RIMS2: variants seen among roughly 807,000 people sequenced by gnomAD.
The protein encoded by RIMS2 is regulating synaptic membrane exocytosis protein 2.
A neutral mutation model predicts 174.4 loss-of-function variants in RIMS2; 59 were observed. The ratio of observed to expected loss-of-function variants is 0.34; its 90% CI spans 0.27 to 0.42. The LOEUF is 0.42. Among genes scored for constraint, RIMS2 ranks in the 10% least tolerant of loss-of-function variants. The pLI is 1.00. For synonymous variants in RIMS2, 606 were observed against 572.5 expected (o/e 1.06, Z -0.84); for missense variants, 1,620 against 1,666.3 (o/e 0.97, Z 0.48).
chr8:103,599,543 A>T (rs1349512273), intron 1 of RIMS2, among the ~76,000 whole-genome samples: 3 of 151,406 alleles, frequency 2.0e-5, no homozygotes, highest in Non-Finnish European at 4.4e-5. Context: ...GGCTCAGGTG[A>T]TCCTCCCACC....
chr8:104,119,033 A>G (rs2098329541), intron 19 of RIMS2, among the ~76,000 whole-genome samples: 1 of 152,026 alleles, frequency 6.6e-6, no homozygotes, highest in South Asian at 2.1e-4. Context: ...AATGTTCAGC[A>G]TATGTGTCCG....
chr8:103,760,802 T>C (rs1289046809), intron 2 of RIMS2, among the ~76,000 whole-genome samples: 1 of 152,216 alleles, frequency 6.6e-6, no homozygotes, highest in Non-Finnish European at 1.5e-5. Context: ...GCAAAATGTA[T>C]ATTTGTTGAG....
At chr8:103,514,182 C>T (rs898680832) in intron 1 of RIMS2, among the ~76,000 whole-genome samples, 6 of 152,170 alleles carry the variant, frequency 3.9e-5, no homozygotes, top group Non-Finnish European at 7.4e-5. Context: ...AACATTAGAG[C>T]TTACCTCTCT....
chr8:104,169,405 C>T (rs1332164843), intron 19 of RIMS2, among the ~76,000 whole-genome samples: 5 of 147,964 alleles, frequency 3.4e-5, no homozygotes, highest in Non-Finnish European at 7.4e-5. Context: ...CCTATTTAAA[C>T]TAGGAGGGTT....
At chr8:103,608,014 C>G (rs1421681388) in intron 1 of RIMS2, among the ~76,000 whole-genome samples, 2 of 148,194 alleles carry the variant, frequency 1.3e-5, no homozygotes, top group Non-Finnish European at 3.0e-5. Context: ...CAAAGTCATT[C>G]TCCATCCAGC....
intron 1 of RIMS2, among the ~76,000 whole-genome samples, chr8:103,648,990 A>G (rs1269872097): frequency 6.6e-6 from 1 of 152,196 alleles, no homozygotes; most frequent in Non-Finnish European, 1.5e-5. Context: ...TCATGATGCT[A>G]GCTGGTTATT....
intron 1 of RIMS2, among the ~76,000 whole-genome samples, chr8:103,596,085 T>A (rs1421927220): frequency 6.6e-6 from 1 of 152,026 alleles, no homozygotes; most frequent in Non-Finnish European, 1.5e-5. Flanking sequence ...GAACTTATTT[T>A]CATATCTTTT....
intron 3 of RIMS2, among the ~76,000 whole-genome samples, chr8:103,836,501 C>T (rs1039365427): frequency 6.6e-6 from 1 of 152,162 alleles, no homozygotes; most frequent in Non-Finnish European, 1.5e-5. Flanking sequence ...TTGAACGCTG[C>T]AGTGAGCCAT....
chr8:103,695,420 T>C (rs557881484), intron 1 of RIMS2, among the ~76,000 whole-genome samples: 1 of 152,172 alleles, frequency 6.6e-6, no homozygotes, highest in South Asian at 2.1e-4. Context: ...TTCTTCTGCT[T>C]TCTTTGAGTT....
chr8:103,967,882 C>G (rs55892562), intron 15 of RIMS2, among the ~76,000 whole-genome samples: 15,972 of 124,616 alleles, frequency 0.13, 1,267 homozygotes, highest in Non-Finnish European at 0.19. Flanking sequence ...GAGACAGAGT[C>G]TGGCTCTGTC....
At chr8:104,017,130 AT>A (rs150701560) in intron 19 of RIMS2, among the ~76,000 whole-genome samples, 19,376 of 149,876 alleles carry the variant, frequency 0.13, 1,685 homozygotes, top group Non-Finnish European at 0.19. Context: ...AGATTATGCA[AT>A]TTTTTTTTTA....
chr8:104,174,347 A>G (rs1030851371), intron 19 of RIMS2, among the ~76,000 whole-genome samples: 20 of 152,078 alleles, frequency 1.3e-4, no homozygotes, highest in African/African-American at 4.8e-4. Flanking sequence ...TTCTTGACAT[A>G]TTTTGTTGTT....
chr8:103,894,983 G>T (rs2099269086), intron 4 of RIMS2, among the ~76,000 whole-genome samples: 1 of 151,142 alleles, frequency 6.6e-6, no homozygotes, highest in Non-Finnish European at 1.5e-5. Flanking sequence ...TTTTAACTTT[G>T]AAAAACTAAA....
rs143437210 is a variant in RIMS2, at chr8:103,680,646, A to G, written c.177-16440A>G. On this transcript the variant is annotated intron_variant, in intron 1 of 23. Coordinates refer to ENST00000504942, the Ensembl canonical transcript of RIMS2. ...ACTATGTATATATAGGCTATATAGTATACGCCTGCATATCATGAAGAATAA... is the reference window on the plus strand; with the variant it reads ...ACTATGTATATATAGGCTATATAGTGTACGCCTGCATATCATGAAGAATAA... 3.9e-4 allele frequency among the ~76,000 whole-genome samples: 59 copies of G among 152,162 alleles called. No homozygotes were observed. In the East Asian group the frequency reaches 8.5e-3, roughly 22 times the overall value.
intron 11 of RIMS2, chr8:103,927,968 GAA>G: frequency 1.7e-6 from 2 of 1,166,748 alleles, no homozygotes. Context: ...GCGTTAGTAG[GAA>G]AACTTTTTTT....
At chr8:104,237,964 C>A (rs2099267218) in intron 19 of RIMS2, among the ~76,000 whole-genome samples, 1 of 152,076 alleles carries the variant, frequency 6.6e-6, no homozygotes, top group South Asian at 2.1e-4. Context: ...TCTTTCATAT[C>A]TTGATATAAA....
At chr8:103,914,003 T>A (rs1246036205) in intron 6 of RIMS2, among the ~76,000 whole-genome samples, 1 of 152,206 alleles carries the variant, frequency 6.6e-6, no homozygotes, top group Non-Finnish European at 1.5e-5. Context: ...CTGAGCATTT[T>A]ATATCTGTTA....
chr8:103,989,490 T>TA (rs2094554682), intron 17 of RIMS2, 69 bp downstream of exon 19: 3 of 788,208 alleles, frequency 3.8e-6, no homozygotes, highest in Non-Finnish European at 6.2e-6. Flanking sequence ...GGGGTTACCA[T>TA]AAAATATTTT....
chr8:104,102,225 C>T (rs1385891415), intron 19 of RIMS2, among the ~76,000 whole-genome samples: 1 of 151,960 alleles, frequency 6.6e-6, no homozygotes, highest in Non-Finnish European at 1.5e-5. Context: ...TTCATTATAC[C>T]CCTCACCAAA....
Sources: gnomAD v4.1 joint callset for allele counts (sites outside exome capture counted in the v4.1 genomes callset) on GRCh38, gnomAD v4.1.1 for gene constraint, MANE v1.5 for transcripts, NCBI Gene and HGNC (gene_info 2026-07-23, HGNC 2026-07-21) for gene names.